GPR89B: variants seen among roughly 807,000 people sequenced by gnomAD.
The protein encoded by GPR89B is golgi pH regulator B.
A neutral mutation model predicts 52.4 loss-of-function variants in GPR89B; 25 were observed. That is an observed-to-expected ratio of 0.48 (90% CI 0.35 to 0.67). GPR89B has a LOEUF of 0.67. GPR89B is among the 30% of genes least tolerant of loss of function. The pLI, the probability that GPR89B is intolerant of heterozygous loss-of-function variation, is 0.01. For synonymous variants in GPR89B, 52 were observed against 151.2 expected (o/e 0.34, Z 4.81); for missense variants, 146 against 450.2 (o/e 0.32, Z 6.11).
rs1657231851 is a variant in GPR89B at position 147,968,981 on chromosome 1, T to C, written c.816+18T>C. 6.4e-7 allele frequency: 1 copy of C among 1,572,748 alleles called. No individual in the cohort carries two copies. Among genetic ancestry groups the C allele is most frequent in the Admixed American group, 1.8e-5 (1 of 55,756 alleles). ...CTACCAAGGTACAGAGCAAGGAAAC[T>C]GAAGTGTGGTTTTTACCAATATTAT... On this transcript the variant is annotated intron_variant, in intron 9 of 13. Coordinates refer to ENST00000314163, the MANE Select transcript of GPR89B (RefSeq NM_016334.5).
chr1:147,941,387 GT>G (rs1654545154), intron 3 of GPR89B, among the ~76,000 whole-genome samples: 1 of 152,320 alleles, frequency 6.6e-6, no homozygotes, highest in South Asian at 2.1e-4. Context: ...TGTCCAGCTT[GT>G]TTCTTTCTCT....
At chr1:147,997,622 G>A (rs1311165402), downstream of GPR89B, among the ~76,000 whole-genome samples, 1 of 152,232 alleles carries the variant, frequency 6.6e-6, no homozygotes, top group East Asian at 1.9e-4. Flanking sequence ...CTGTCGTGGG[G>A]CTTCTCAGCC....
chr1:147,990,964 G>GT (rs1357541171), intron 12 of GPR89B, among the ~76,000 whole-genome samples: 9 of 151,800 alleles, frequency 5.9e-5, no homozygotes, highest in Admixed American at 3.3e-4. Context: ...CTTTAGAGTA[G>GT]TTTTTTCCAA....
At chr1:148,025,048 C>T in the GPR89B span, among the ~76,000 whole-genome samples, 1 of 151,868 alleles carries the variant, frequency 6.6e-6, no homozygotes, top group Admixed American at 6.5e-5. Flanking sequence ...TTAATCGACA[C>T]CATCCTTTTC....
At chr1:147,954,755 T>G (rs1195260719) in intron 7 of GPR89B, among the ~76,000 whole-genome samples, 1 of 152,294 alleles carries the variant, frequency 6.6e-6, no homozygotes, top group Non-Finnish European at 1.5e-5. Context: ...TAGATCATTC[T>G]CCTTAGATAA....
chr1:148,019,281 A>G, the GPR89B span, among the ~76,000 whole-genome samples: 1 of 151,396 alleles, frequency 6.6e-6, no homozygotes, highest in African/African-American at 2.4e-5. Context: ...GGTCAAAAGC[A>G]GTGCACATTA....
At chr1:147,998,418 T>A (rs2149100730), downstream of GPR89B, among the ~76,000 whole-genome samples, 1 of 147,264 alleles carries the variant, frequency 6.8e-6, no homozygotes, top group South Asian at 2.2e-4. Context: ...CTTTCAGTCA[T>A]ATACTTGCAA....
chr1:147,950,408 G>A (rs1314789212), intron 5 of GPR89B, among the ~76,000 whole-genome samples: 76 of 151,038 alleles, frequency 5.0e-4, no homozygotes, highest in African/African-American at 1.9e-3. Context: ...TCACTTCCTA[G>A]ATGGTATGGC....
intron 2 of GPR89B, among the ~76,000 whole-genome samples, chr1:147,937,660 GAAGAATATGA>G (rs1654200859): frequency 6.6e-6 from 1 of 152,162 alleles, no homozygotes; most frequent in Non-Finnish European, 1.5e-5. Flanking sequence ...TCTGCAAGAA[GAAGAATATGA>G]CTCTATTCTG....
chr1:147,933,910 A>G (rs1358155741), intron 1 of GPR89B, among the ~76,000 whole-genome samples: 3 of 152,222 alleles, frequency 2.0e-5, no homozygotes, highest in African/African-American at 7.2e-5. Flanking sequence ...CCCTGCTTAA[A>G]TAACCCTCAC....
intron 5 of GPR89B, among the ~76,000 whole-genome samples, chr1:147,951,461 A>G (rs1366319228): frequency 6.6e-6 from 1 of 152,062 alleles, no homozygotes; most frequent in African/African-American, 2.4e-5. Flanking sequence ...CAATAACTAT[A>G]AACTTCTTTT....
At chr1:147,973,541 T>A (rs1447102555) in intron 10 of GPR89B, among the ~76,000 whole-genome samples, 2 of 152,026 alleles carry the variant, frequency 1.3e-5, no homozygotes, top group Non-Finnish European at 2.9e-5. Context: ...TAAATTTGTT[T>A]AAGTTCCTTG....
chr1:147,963,943 GTA>G (rs1358814177), intron 7 of GPR89B, among the ~76,000 whole-genome samples: 3 of 152,046 alleles, frequency 2.0e-5, no homozygotes, highest in Admixed American at 6.5e-5. Flanking sequence ...AATATATACC[GTA>G]TGATTCTAGT....
At chr1:148,012,971 T>G in the GPR89B span, among the ~76,000 whole-genome samples, 11 of 152,108 alleles carry the variant, frequency 7.2e-5, no homozygotes, top group Non-Finnish European at 1.6e-4. Context: ...AATGTTCAAA[T>G]GTATGTGACT....
chr1:147,997,954 G>T (rs1372530964), downstream of GPR89B, among the ~76,000 whole-genome samples: 613 of 152,220 alleles, frequency 4.0e-3, 2 homozygotes, highest in African/African-American at 0.014. Context: ...CTTCTATTAT[G>T]CCAAACTCTC....
chr1:147,946,651 CTCT>C (rs1655000158), intron 5 of GPR89B, among the ~76,000 whole-genome samples: 1 of 152,134 alleles, frequency 6.6e-6, no homozygotes, highest in Non-Finnish European at 1.5e-5. Flanking sequence ...AAAGACCCGA[CTCT>C]GACACCTTTC....
At chr1:147,998,467 A>G (rs1471003038), downstream of GPR89B, among the ~76,000 whole-genome samples, 1 of 151,066 alleles carries the variant, frequency 6.6e-6, no homozygotes, top group Non-Finnish European at 1.5e-5. Flanking sequence ...AAATATGGAA[A>G]ATTATCAGGT....
At chr1:148,008,289 C>T in the GPR89B span, among the ~76,000 whole-genome samples, 4 of 152,326 alleles carry the variant, frequency 2.6e-5, no homozygotes, top group South Asian at 4.1e-4. Context: ...CATTAGCACA[C>T]GAGCCAGATG....
In GPR89B at chr1:147,993,061, C is replaced by A. The variant is rs1176984201; in HGVS notation, c.*144C>A. On this transcript the variant is annotated 3_prime_UTR_variant, in exon 14 of 14. Coordinates refer to ENST00000314163, the MANE Select transcript of GPR89B (RefSeq NM_016334.5). ...TTTCACCTTCATAGCATACTCCTTC[C>A]CCCTCAGGTGATACTATGACCATGA... 5,049 of 1,587,300 alleles carry A rather than the reference C, an allele frequency of 3.2e-3. 14 individuals are homozygous for A. Among genetic ancestry groups the A allele is most frequent in the Non-Finnish European group, 4.0e-3 (4,634 of 1,167,904 alleles).
Sources: allele counts gnomAD v4.1 joint callset (sites outside exome capture counted in the v4.1 genomes callset), GRCh38; gene constraint gnomAD v4.1.1; transcripts MANE v1.5; gene names NCBI Gene and HGNC (gene_info 2026-07-23, HGNC 2026-07-21).